OXR1: variants seen among roughly 807,000 people sequenced by gnomAD.
The protein encoded by OXR1 is oxidation resistance 1.
In OXR1, 41 loss-of-function variants were observed where a neutral mutation model predicts 104.6. The ratio of observed to expected loss-of-function variants is 0.39; its 90% CI spans 0.31 to 0.51. The LOEUF is 0.51. Among genes scored for constraint, OXR1 ranks in the 20% least tolerant of loss-of-function variants. The pLI is 0.77. For synonymous variants in OXR1, 348 were observed against 348.4 expected (o/e 1.00, Z 0.01); for missense variants, 955 against 1,031.9 (o/e 0.93, Z 1.02).
chr8:106,363,674 A>C (rs1300953076), intron 2 of OXR1, among the ~76,000 whole-genome samples: 1 of 151,876 alleles, frequency 6.6e-6, no homozygotes, highest in Non-Finnish European at 1.5e-5. Flanking sequence ...CCACATCATC[A>C]CCTATAGAGG....
chr8:106,434,918 G>A (rs767721814), intron 2 of OXR1, among the ~76,000 whole-genome samples: 71 of 152,040 alleles, frequency 4.7e-4, no homozygotes, highest in Non-Finnish European at 9.6e-4. Flanking sequence ...AATAATAAAC[G>A]CGTTTCAATG....
chr8:106,505,114 A>G (rs983639743), intron 2 of OXR1, among the ~76,000 whole-genome samples: 3 of 152,368 alleles, frequency 2.0e-5, no homozygotes, highest in East Asian at 1.9e-4. Context: ...GTATTTTTAC[A>G]TAACTATTAG....
intron 1 of OXR1, among the ~76,000 whole-genome samples, chr8:106,290,458 G>A (rs754901579): frequency 2.6e-5 from 4 of 151,996 alleles, no homozygotes; most frequent in African/African-American, 9.7e-5. Context: ...AAGTGGGACC[G>A]AATTAAAGAG....
At chr8:106,399,396 T>C (rs1005127968) in intron 2 of OXR1, among the ~76,000 whole-genome samples, 16 of 152,282 alleles carry the variant, frequency 1.1e-4, no homozygotes, top group South Asian at 2.1e-4. Context: ...CCAGGAGCAA[T>C]CAAAATAGAA....
intron 5 of OXR1, among the ~76,000 whole-genome samples, chr8:106,683,607 C>T (rs945527861): frequency 6.6e-6 from 1 of 152,092 alleles, no homozygotes; most frequent in South Asian, 2.1e-4. Context: ...AGTAAGGCAT[C>T]CCTCCATCTC....
intron 3 of OXR1, among the ~76,000 whole-genome samples, chr8:106,646,325 T>G (rs1022409272): frequency 2.6e-5 from 4 of 152,204 alleles, no homozygotes; most frequent in Admixed American, 2.6e-4. Context: ...CAGGCTGGTC[T>G]CAAACTCCTG....
At position 106,518,459 on chromosome 8, in the gene OXR1, G is replaced by A. The variant is rs150860123; in HGVS notation, c.24-484G>A. Among the ~76,000 whole-genome samples, 164 of 152,270 alleles carry A rather than the reference G, an allele frequency of 1.1e-3. 1 individual carries two copies. Among genetic ancestry groups the A allele is most frequent in the African/African-American group, 3.7e-3 (155 of 41,558 alleles). On this transcript the variant is annotated intron_variant, in intron 2 of 16. Transcript: ENST00000517566. Reference sequence around the variant, plus strand: ...CAACACATTTATTGTTACTGAGAATGCATAGTAAAATAACATGAATTCTAT... The same window carrying A: ...CAACACATTTATTGTTACTGAGAATACATAGTAAAATAACATGAATTCTAT...
chr8:106,545,938 G>A (rs1815321743), intron 3 of OXR1, among the ~76,000 whole-genome samples: 1 of 151,182 alleles, frequency 6.6e-6, no homozygotes. Flanking sequence ...AGAGGTTGCA[G>A]TGAGCTGAGA....
chr8:106,726,772 T>G (rs568319179), intron 11 of OXR1, among the ~76,000 whole-genome samples: 1 of 152,274 alleles, frequency 6.6e-6, no homozygotes, highest in South Asian at 2.1e-4. Flanking sequence ...GTTCAAAAAG[T>G]TTTCAGGCAA....
At chr8:106,648,998 A>T (rs1824313841) in intron 3 of OXR1, among the ~76,000 whole-genome samples, 1 of 152,184 alleles carries the variant, frequency 6.6e-6, no homozygotes, top group Non-Finnish European at 1.5e-5. Context: ...TGAGCCCAGG[A>T]GTTGAAGAAC....
chr8:106,323,116 A>G (rs57563184), intron 1 of OXR1, among the ~76,000 whole-genome samples: 51,644 of 152,118 alleles, frequency 0.34, 11,298 homozygotes, highest in African/African-American at 0.63. Context: ...AGCTGGAGGC[A>G]TCTTTACCAG....
intron 2 of OXR1, among the ~76,000 whole-genome samples, chr8:106,459,838 T>A (rs1179068329): frequency 6.6e-6 from 1 of 152,182 alleles, no homozygotes; most frequent in Non-Finnish European, 1.5e-5. Flanking sequence ...ACACTCCTTA[T>A]ACTAAAGGCT....
intron 2 of OXR1, among the ~76,000 whole-genome samples, chr8:106,470,877 G>A (rs1429795806): frequency 6.6e-6 from 1 of 151,784 alleles, no homozygotes; most frequent in Non-Finnish European, 1.5e-5. Context: ...ATCTGCTAAG[G>A]TAAGCACTGA....
chr8:106,417,149 T>C (rs920055127), intron 2 of OXR1, among the ~76,000 whole-genome samples: 7 of 152,168 alleles, frequency 4.6e-5, no homozygotes, highest in Non-Finnish European at 7.4e-5. Flanking sequence ...TTCTGCCTTA[T>C]ATCAGCTGTG....
At chr8:106,656,011 C>A (rs188454268) in intron 3 of OXR1, 4 of 151,916 alleles carry the variant, frequency 2.6e-5, no homozygotes, top group African/African-American at 9.7e-5. Context: ...TATAACAAAC[C>A]GGTAAATTTT....
chr8:106,714,826 C>A (rs1587208051), intron 11 of OXR1, among the ~76,000 whole-genome samples: 1 of 152,110 alleles, frequency 6.6e-6, no homozygotes, highest in South Asian at 2.1e-4. Flanking sequence ...ATCTTGCATG[C>A]ACTTAACATG....
At chr8:106,392,322 A>G (rs1367442750) in intron 2 of OXR1, among the ~76,000 whole-genome samples, 1 of 152,170 alleles carries the variant, frequency 6.6e-6, no homozygotes, top group Non-Finnish European at 1.5e-5. Context: ...TTTGAGAGGG[A>G]AGGATTCATG....
chr8:106,733,544 TCA>T (rs1410798207), intron 11 of OXR1, among the ~76,000 whole-genome samples: 1 of 152,208 alleles, frequency 6.6e-6, no homozygotes, highest in African/African-American at 2.4e-5. Context: ...TCTTAGCATC[TCA>T]GTTATACTTT....
At chr8:106,390,967 C>T (rs1817566925) in intron 2 of OXR1, among the ~76,000 whole-genome samples, 1 of 152,066 alleles carries the variant, frequency 6.6e-6, no homozygotes, top group Non-Finnish European at 1.5e-5. Flanking sequence ...CAAGTTTTTG[C>T]ACAAGAAGAG....
Sources: gnomAD v4.1 joint callset for allele counts (sites outside exome capture counted in the v4.1 genomes callset) on GRCh38, gnomAD v4.1.1 for gene constraint, MANE v1.5 for transcripts, NCBI Gene and HGNC (gene_info 2026-07-23, HGNC 2026-07-21) for gene names.